Variants in NSD2 observed in about 807,000 individuals in gnomAD.
The protein encoded by NSD2 is histone-lysine N-methyltransferase NSD2.
Under a neutral mutation model 139.0 loss-of-function variants are expected in NSD2, and 12 were observed. The observed-to-expected ratio is 0.09, with a 90% CI of 0.06 to 0.14. NSD2 has a LOEUF of 0.14. Among genes scored for constraint, NSD2 ranks in the 10% least tolerant of loss-of-function variants. NSD2 has a pLI of 1.00. For missense variants in NSD2, 1,155 were observed against 1,745.0 expected, an observed-to-expected ratio of 0.66 and a Z score of 6.02; for synonymous variants, 669 against 648.7, an observed-to-expected ratio of 1.03 and a Z score of -0.48.
Position 1,942,538 on chromosome 4 carries a change from A to C in NSD2, c.1881+2760A>C. On this transcript the variant is annotated intron_variant, in intron 9 of 21. Transcript: ENST00000508803. This position sits in a 1 kb window ranked among gnomAD's most constrained non-coding sequence, Gnocchi z 4.0. ...GTATTAATAAACACATACAATGAAG[A>C]AAACAGATAACAAATTTTAAGACCA... 1 of 1,406,640 alleles carries C rather than the reference A, an allele frequency of 7.1e-7. No individual in the cohort carries two copies. Among genetic ancestry groups the C allele is most frequent in the Non-Finnish European group, 9.3e-7 (1 of 1,076,306 alleles). The allele number at this position is 1,406,640 out of a possible 1,614,324, so 87.1% of individuals were successfully genotyped here.
intron 18 of NSD2, among the ~76,000 whole-genome samples, chr4:1,961,976 A>C (rs1426932990): frequency 6.6e-6 from 1 of 152,258 alleles, no homozygotes; most frequent in Non-Finnish European, 1.5e-5. Flanking sequence ...TTAAAAGAGT[A>C]GATTAATAGT....
At chr4:1,917,572 A>T in intron 4 of NSD2, among the ~76,000 whole-genome samples, 1 of 151,328 alleles carries the variant, frequency 6.6e-6, no homozygotes, top group East Asian at 1.9e-4. Context: ...AAGTAGCTGG[A>T]ATTACAGGTG....
At chr4:1,961,226 C>G (rs1725333705) in intron 18 of NSD2, 75 bp downstream of exon 18, 2 of 1,253,292 alleles carry the variant, frequency 1.6e-6, no homozygotes. Flanking sequence ...TAGAACTGGA[C>G]TTTGCCCTGT....
rs1010257627 is a variant in NSD2 at position 1,972,732 on chromosome 4, C to T, written c.3373-2131C>T. On this transcript the variant is annotated intron_variant, in intron 18 of 21. Coordinates refer to ENST00000508803, the MANE Select transcript of NSD2 (RefSeq NM_001042424.3). The surrounding 1 kb of genome is among the most constrained non-coding windows in gnomAD (Gnocchi z 4.0). Reference sequence around the variant, plus strand: ...AGCTGCATGCAACTACTCAGCAAACCGAAAACGCATGAAGCAAAAGGGTAA... The same window carrying T: ...AGCTGCATGCAACTACTCAGCAAACTGAAAACGCATGAAGCAAAAGGGTAA... Among the ~76,000 whole-genome samples the T allele has an allele frequency of 6.6e-5, 10 of 152,296 alleles. No homozygotes were observed. Among genetic ancestry groups the T allele is most frequent in the Middle Eastern group, 3.4e-3 (1 of 294 alleles).
intron 1 of NSD2, among the ~76,000 whole-genome samples, chr4:1,888,112 A>G (rs1715251564): frequency 6.6e-6 from 1 of 152,042 alleles, no homozygotes; most frequent in African/African-American, 2.4e-5. Flanking sequence ...GTGTGAGGCA[A>G]CGTTTATTAA....
intron 1 of NSD2, among the ~76,000 whole-genome samples, chr4:1,884,688 A>G (rs979814191): frequency 6.6e-6 from 1 of 151,930 alleles, no homozygotes; most frequent in Non-Finnish European, 1.5e-5. Context: ...CACTGGGCCC[A>G]GCCTCGTTCT....
intron 9 of NSD2, chr4:1,947,856 T>G (rs999875643): frequency 1.9e-5 from 20 of 1,052,326 alleles, no homozygotes; most frequent in Non-Finnish European, 2.2e-5. Context: ...GTCAAAAAAT[T>G]AAAAACTCAA....
At chr4:1,872,591 TGAGAGAGAGA>T (rs1200688066) in intron 1 of NSD2, among the ~76,000 whole-genome samples, 165 of 44,892 alleles carry the variant, frequency 3.7e-3, no homozygotes, top group Middle Eastern at 0.011. Flanking sequence ...TGTGTGTGTG[TGAGAGAGAGA>T]GAGAGAGAGA....
At chr4:1,966,581 C>T (rs1443120736) in intron 18 of NSD2, among the ~76,000 whole-genome samples, 6 of 150,376 alleles carry the variant, frequency 4.0e-5, no homozygotes, top group African/African-American at 9.8e-5. Flanking sequence ...GGCGTGAACC[C>T]GGGAGGCGGA....
intron 5 of NSD2, among the ~76,000 whole-genome samples, chr4:1,923,341 CTTA>C (rs957811455): frequency 2.0e-5 from 3 of 147,130 alleles, no homozygotes; most frequent in Non-Finnish European, 4.5e-5. Context: ...AAAAAAAATT[CTTA>C]TGTGTCAAGG....
rs531461878 is a variant in NSD2, at chr4:1,939,527, G to T, written c.1757-127G>T. On this transcript the variant is annotated intron_variant, in intron 8 of 21. Transcript: ENST00000508803. ...AGATTTTTCCATGATAGAAAGTTAA[G>T]CCAGAAGGACAAAGGAATTCAGAAG... 365 of 988,274 alleles carry T rather than the reference G, an allele frequency of 3.7e-4. 1 individual carries two copies. The South Asian group carries it at 4.1e-3, about 11-fold the overall frequency. 61.2% of individuals were successfully genotyped at this position (988,274 alleles called of 1,614,324 possible).
rs1723401596 is a variant in NSD2, at chr4:1,944,315, A to G, written c.1881+4537A>G. 15 of 1,066,210 alleles carry G rather than the reference A, an allele frequency of 1.4e-5. No individual in the cohort carries two copies. In the East Asian group the frequency reaches 4.0e-4, roughly 28 times the overall value. 66.0% of individuals were successfully genotyped at this position (1,066,210 alleles called of 1,614,324 possible). Reference sequence around the variant, plus strand: ...TGTTTGAAAGAACTTAGGGAGGACCATTGGCTTGCCAAGAGTACAGAAATT... The same window carrying G: ...TGTTTGAAAGAACTTAGGGAGGACCGTTGGCTTGCCAAGAGTACAGAAATT... On this transcript the variant is annotated intron_variant, in intron 9 of 21. Transcript: ENST00000508803.
intron 7 of NSD2, 121 bp from the exon 8 acceptor site, chr4:1,938,330 A>T: frequency 1.2e-6 from 1 of 847,976 alleles, no homozygotes; most frequent in Non-Finnish European, 1.7e-6. Flanking sequence ...GTGTTCATTC[A>T]CATGAGGAGA....
At chr4:1,930,605 C>T (rs770431667) in intron 5 of NSD2, 21 bp from the exon 6 acceptor site, 7 of 1,581,480 alleles carry the variant, frequency 4.4e-6, no homozygotes, top group Non-Finnish European at 6.0e-6. Flanking sequence ...CTTCTCATTG[C>T]ACCTTCTCCC....
intron 9 of NSD2, chr4:1,943,566 G>A (rs1043285210): frequency 5.7e-6 from 6 of 1,049,932 alleles, no homozygotes; most frequent in African/African-American, 5.0e-5. Context: ...TGTGTGTGGC[G>A]CTTTAGGGTG....
chr4:1,981,525 C>A lies in NSD2; in HGVS notation c.*2616C>A, dbSNP rs1727761845. ...ACCAGCATCTGCACCTAAACCCATA[C>A]CCACCCGTGTGCGCCCACAGGGGGA... On this transcript the variant is annotated 3_prime_UTR_variant, in exon 22 of 22. Transcript: ENST00000508803. 1 of 279,522 alleles carries A rather than the reference C, an allele frequency of 3.6e-6. No homozygotes were observed. The allele number at this position is 279,522 out of a possible 1,614,324, so 17.3% of individuals were successfully genotyped here. A position where few individuals can be genotyped will look rare whatever the true frequency, so the allele number is the denominator to read the frequency against.
intron 5 of NSD2, among the ~76,000 whole-genome samples, chr4:1,927,256 G>A (rs1333035399): frequency 2.0e-5 from 3 of 152,130 alleles, no homozygotes; most frequent in Admixed American, 6.6e-5. Context: ...CCCTACACTT[G>A]GAGTCATATG....
intron 1 of NSD2, among the ~76,000 whole-genome samples, chr4:1,876,519 C>T (rs1272473327): frequency 1.3e-5 from 2 of 151,992 alleles, no homozygotes; most frequent in African/African-American, 2.4e-5. Flanking sequence ...AGGGAGACCC[C>T]ATCTCTACAA....
intron 3 of NSD2, among the ~76,000 whole-genome samples, chr4:1,906,717 C>T (rs1717965812): frequency 7.2e-6 from 1 of 139,662 alleles, no homozygotes; most frequent in South Asian, 2.3e-4. Context: ...CTAGAGTGCA[C>T]TGGCGCGATC....
Sources: gnomAD v4.1 joint callset for allele counts (sites outside exome capture counted in the v4.1 genomes callset) on GRCh38, gnomAD v4.1.1 for gene constraint, Gnocchi (gnomAD v3.1) non-coding constraint, MANE v1.5 for transcripts, NCBI Gene and HGNC (gene_info 2026-07-23, HGNC 2026-07-21) for gene names.